The following FAM78B variants were observed in gnomAD, a reference collection of about 807,000 sequenced individuals.
FAM78B encodes family with sequence similarity 78 member B.
A neutral mutation model predicts 20.0 loss-of-function variants in FAM78B; 10 were observed. The ratio of observed to expected loss-of-function variants is 0.50; its 90% CI spans 0.31 to 0.85. The LOEUF (loss-of-function observed/expected upper bound fraction) is 0.85, where lower values mean the gene tolerates loss of function less well. FAM78B is among the 40% of genes least tolerant of loss of function. The pLI, the probability that FAM78B is intolerant of heterozygous loss-of-function variation, is 0.05. For synonymous variants in FAM78B, 135 were observed against 132.8 expected (o/e 1.02, Z -0.12); for missense variants, 283 against 345.0 (o/e 0.82, Z 1.42).
rs374135644 is a variant in FAM78B at position 166,088,221 on chromosome 1, G to A, written c.264-17458C>T. 3.3e-5 allele frequency among the ~76,000 whole-genome samples: 5 copies of A among 152,280 alleles called. No individual in the cohort carries two copies. The East Asian group carries it at 5.8e-4, about 18-fold the overall frequency. On this transcript the variant is annotated intron_variant, in intron 1 of 1. Coordinates refer to ENST00000354422, the MANE Select transcript of FAM78B (RefSeq NM_001017961.5). Reference sequence around the variant, plus strand: ...GCAACAGAGGCCTCTGGAACCTCACGCTCTTTAGATGTTAAATTGAAATCA... The same window carrying A: ...GCAACAGAGGCCTCTGGAACCTCACACTCTTTAGATGTTAAATTGAAATCA...
intron 1 of FAM78B, among the ~76,000 whole-genome samples, chr1:166,117,212 A>G (rs1417244181): frequency 6.6e-6 from 1 of 152,212 alleles, no homozygotes; most frequent in Non-Finnish European, 1.5e-5. Flanking sequence ...GTTGAATTCC[A>G]GTAGAATTCA....
exon 3 of FAM78B, chr1:166,060,178 AAGG>A (rs1430098409): frequency 5.4e-6 from 1 of 184,410 alleles, no homozygotes; most frequent in Non-Finnish European, 1.1e-5. Flanking sequence ...CCACATGGAG[AAGG>A]AGGAGGAAGG....
chr1:166,120,033 T>A, intron 1 of FAM78B, among the ~76,000 whole-genome samples: 1 of 152,172 alleles, frequency 6.6e-6, no homozygotes, highest in Non-Finnish European at 1.5e-5. Flanking sequence ...TCCCATAAAG[T>A]CAGCTCCTCA....
In FAM78B at chr1:166,109,890, G is replaced by GTGTA. The variant is rs1553219484; in HGVS notation, c.264-39128_264-39127insTACA. Reference sequence around the variant, plus strand: ...TGTGTATATATATATATGTATATATGTATATATATATATATATATATATAT... The same window carrying GTGTA: ...TGTGTATATATATATATGTATATATGTGTATATATATATATATATATATATATAT... On this transcript the variant is annotated intron_variant, in intron 1 of 1. Coordinates refer to ENST00000354422, the MANE Select transcript of FAM78B (RefSeq NM_001017961.5). Among the ~76,000 whole-genome samples, 12 of 23,198 alleles carry GTGTA rather than the reference G, an allele frequency of 5.2e-4. 1 individual carries two copies. Among genetic ancestry groups the GTGTA allele is most frequent in the Non-Finnish European group, 8.0e-4 (7 of 8,782 alleles). The allele number at this position is 23,198 out of a possible 152,430, so 15.2% of individuals were successfully genotyped here.
chr1:166,142,467 G>A (rs545481536), intron 1 of FAM78B, among the ~76,000 whole-genome samples: 3 of 152,168 alleles, frequency 2.0e-5, no homozygotes, highest in Non-Finnish European at 4.4e-5. Flanking sequence ...CTGAGCACTG[G>A]GCATTGACAT....
At chr1:166,120,120 C>T (rs1654413180) in intron 1 of FAM78B, among the ~76,000 whole-genome samples, 1 of 152,216 alleles carries the variant, frequency 6.6e-6, no homozygotes. Flanking sequence ...AAATAAAGTC[C>T]TTGTCTTTAC....
chr1:166,101,789 G>T (rs533934840), intron 1 of FAM78B, among the ~76,000 whole-genome samples: 1 of 152,100 alleles, frequency 6.6e-6, no homozygotes, highest in Admixed American at 6.5e-5. Flanking sequence ...CACTCTGCAG[G>T]ATATTATCCA....
At chr1:166,111,598 G>A (rs74118971) in intron 1 of FAM78B, among the ~76,000 whole-genome samples, 4,986 of 152,206 alleles carry the variant, frequency 0.033, 254 homozygotes, top group African/African-American at 0.11. Context: ...ACTTCCTTTT[G>A]GTCACCTGAA....
At chr1:166,139,621 C>T (rs1339251950) in intron 1 of FAM78B, among the ~76,000 whole-genome samples, 1 of 152,136 alleles carries the variant, frequency 6.6e-6, no homozygotes, top group African/African-American at 2.4e-5. Context: ...TGAACATCAA[C>T]AAGACCACAC....
chr1:166,074,333 T>G (rs1194178925), intron 1 of FAM78B, among the ~76,000 whole-genome samples: 1 of 152,218 alleles, frequency 6.6e-6, no homozygotes, highest in African/African-American at 2.4e-5. Flanking sequence ...ACTCATCCTC[T>G]GAGAATCACC....
chr1:166,061,884 C>G (rs1651615197), intron 2 of FAM78B, among the ~76,000 whole-genome samples: 2 of 152,296 alleles, frequency 1.3e-5, no homozygotes, highest in Admixed American at 1.3e-4. Context: ...CTTGAGACAC[C>G]CTGAGTCTGC....
At chr1:166,142,179 T>C (rs1362598381) in intron 1 of FAM78B, among the ~76,000 whole-genome samples, 1 of 152,186 alleles carries the variant, frequency 6.6e-6, no homozygotes, top group Non-Finnish European at 1.5e-5. Context: ...GGGGACATTA[T>C]GCAATGGAAA....
At chr1:166,156,166 T>C (rs1444427532) in intron 1 of FAM78B, among the ~76,000 whole-genome samples, 1 of 152,250 alleles carries the variant, frequency 6.6e-6, no homozygotes. Flanking sequence ...GAGGCAGGCC[T>C]CGCACAGTGA....
intron 1 of FAM78B, among the ~76,000 whole-genome samples, chr1:166,113,059 G>C (rs1382314606): frequency 2.6e-5 from 4 of 152,186 alleles, no homozygotes; most frequent in African/African-American, 9.6e-5. Flanking sequence ...TAGGGAAAGA[G>C]GCTCAGCTAT....
At chr1:166,065,625 C>T (rs1445256860), downstream of FAM78B, among the ~76,000 whole-genome samples, 1 of 152,116 alleles carries the variant, frequency 6.6e-6, no homozygotes, top group Non-Finnish European at 1.5e-5. Context: ...GCACCGCTGA[C>T]CTGGGTGGGG....
At chr1:166,098,073 C>T (rs1653356635) in intron 1 of FAM78B, among the ~76,000 whole-genome samples, 1 of 152,186 alleles carries the variant, frequency 6.6e-6, no homozygotes, top group African/African-American at 2.4e-5. Flanking sequence ...AGACAACTCC[C>T]AGTACCAACC....
chr1:166,080,714 G>A (rs1420584757), intron 1 of FAM78B, among the ~76,000 whole-genome samples: 1 of 152,208 alleles, frequency 6.6e-6, no homozygotes, highest in Non-Finnish European at 1.5e-5. Flanking sequence ...TTCATCTAAC[G>A]TGAAGGAGAG....
intron 1 of FAM78B, among the ~76,000 whole-genome samples, chr1:166,147,210 G>C (rs912525232): frequency 6.6e-6 from 1 of 152,166 alleles, no homozygotes; most frequent in East Asian, 1.9e-4. Context: ...AAGGCTGGTT[G>C]TGTGTGTGGT....
chr1:166,147,656 G>C (rs1053381317), intron 1 of FAM78B: 1 of 151,608 alleles, frequency 6.6e-6, no homozygotes, highest in Non-Finnish European at 1.5e-5. Flanking sequence ...TTTTGAGACA[G>C]GATCTCACTC....
Sources: gnomAD v4.1 joint callset for allele counts (sites outside exome capture counted in the v4.1 genomes callset) on GRCh38, gnomAD v4.1.1 for gene constraint, MANE v1.5 for transcripts, NCBI Gene and HGNC (gene_info 2026-07-23, HGNC 2026-07-21) for gene names.